The following ARHGAP26 variants were observed in gnomAD, a reference collection of about 807,000 sequenced individuals.
ARHGAP26 encodes rho GTPase-activating protein 26.
In ARHGAP26, 38 loss-of-function variants were observed where a neutral mutation model predicts 104.8. The observed-to-expected ratio is 0.36, with a 90% CI of 0.28 to 0.48. The LOEUF (loss-of-function observed/expected upper bound fraction) is 0.48. Among genes scored for constraint, ARHGAP26 ranks in the 20% least tolerant of loss-of-function variants. ARHGAP26 has a pLI of 0.99. For missense variants in ARHGAP26, 704 were observed against 947.9 expected (o/e 0.74, Z 3.38); for synonymous variants, 341 against 340.0 (o/e 1.00, Z -0.03).
intron 1 of ARHGAP26, among the ~76,000 whole-genome samples, chr5:142,799,191 G>GT (rs58252516): frequency 0.013 from 1,896 of 147,220 alleles, 21 homozygotes; most frequent in East Asian, 0.063. Context: ...ACTGTGGTGG[G>GT]TTTTTTTTTT....
intron 7 of ARHGAP26, 123 bp from the exon 8 acceptor site, chr5:142,903,417 C>T: frequency 9.5e-7 from 1 of 1,056,362 alleles, no homozygotes; most frequent in Non-Finnish European, 1.4e-6. Context: ...AGTATTTGGC[C>T]AGTTCCTGGA....
intron 6 of ARHGAP26, among the ~76,000 whole-genome samples, chr5:142,901,237 T>G (rs533539320): frequency 9.1e-4 from 139 of 152,340 alleles, no homozygotes; most frequent in Non-Finnish European, 1.7e-3. Flanking sequence ...TTTTTACCAT[T>G]CACTAAAGAC....
chr5:142,981,052 T>G (rs1224710922), intron 11 of ARHGAP26, among the ~76,000 whole-genome samples: 2 of 152,228 alleles, frequency 1.3e-5, no homozygotes, highest in Non-Finnish European at 2.9e-5. Flanking sequence ...TACCATCTTT[T>G]GGCCATGTTT....
rs1014254192 is a variant in ARHGAP26, at chr5:142,913,108, A to G, written c.934-91A>G. 55 of 1,098,046 alleles carry G rather than the reference A, an allele frequency of 5.0e-5. No homozygotes were observed. The African/African-American group carries it at 7.3e-4, about 15-fold the overall frequency. The allele number at this position is 1,098,046 out of a possible 1,614,324, so 68.0% of individuals were successfully genotyped here. On this transcript the variant is annotated intron_variant, in intron 9 of 22. Coordinates refer to ENST00000645722, the MANE Select transcript of ARHGAP26 (RefSeq NM_001135608.3). ...GAGCACTCAGATTTGAGAAGATGAA[A>G]TGATTGCTCCTGTTTACATGTCATG...
chr5:143,030,180 G>A (rs766130153), intron 12 of ARHGAP26, among the ~76,000 whole-genome samples: 2 of 152,152 alleles, frequency 1.3e-5, no homozygotes, highest in South Asian at 4.1e-4. Context: ...TTCAGAAGAG[G>A]GGCTCTTGAG....
intron 19 of ARHGAP26, among the ~76,000 whole-genome samples, chr5:143,146,393 A>AAC: frequency 6.6e-6 from 1 of 152,216 alleles, no homozygotes; most frequent in African/African-American, 2.4e-5. Context: ...ACAAGCTGTG[A>AAC]AAGGCAGTTC....
At chr5:142,938,913 G>A (rs1282534606) in intron 11 of ARHGAP26, among the ~76,000 whole-genome samples, 1 of 152,180 alleles carries the variant, frequency 6.6e-6, no homozygotes, top group Non-Finnish European at 1.5e-5. Flanking sequence ...ACAGCCACAA[G>A]TTTTGAAGGT....
At chr5:142,781,750 T>C (rs1757535348) in intron 1 of ARHGAP26, among the ~76,000 whole-genome samples, 1 of 152,166 alleles carries the variant, frequency 6.6e-6, no homozygotes, top group East Asian at 1.9e-4. Context: ...CTCTCTCTGT[T>C]GCCCAGGCTG....
At chr5:142,791,895 C>T (rs575471141) in intron 1 of ARHGAP26, among the ~76,000 whole-genome samples, 43 of 123,900 alleles carry the variant, frequency 3.5e-4, no homozygotes, top group Non-Finnish European at 6.1e-4. Flanking sequence ...ACCCGGGAGG[C>T]GGAGGTTGCA....
In ARHGAP26 at chr5:142,894,224, C is replaced by T. The variant is rs372334261; in HGVS notation, c.487-14C>T. On this transcript the variant is annotated splice_polypyrimidine_tract_variant and intron_variant, in intron 5 of 22. Coordinates refer to ENST00000645722, the MANE Select transcript of ARHGAP26 (RefSeq NM_001135608.3). Reference sequence around the variant, plus strand: ...GTGACTTGATTTTTCTCTTAAATTCCATCTTGTTTGTAGGCAGACAGCCAA... The same window carrying T: ...GTGACTTGATTTTTCTCTTAAATTCTATCTTGTTTGTAGGCAGACAGCCAA... 3 of 1,609,684 alleles carry T rather than the reference C, an allele frequency of 1.9e-6. No individual in the cohort carries two copies. Among genetic ancestry groups the T allele is most frequent in the South Asian group, 2.2e-5 (2 of 90,792 alleles).
intron 17 of ARHGAP26, among the ~76,000 whole-genome samples, chr5:143,103,945 A>G (rs1337568447): frequency 1.3e-5 from 2 of 151,972 alleles, no homozygotes; most frequent in South Asian, 2.1e-4. Context: ...TAATAAAAAT[A>G]TATATATATA....
chr5:142,842,570 A>G (rs959765631), intron 1 of ARHGAP26, among the ~76,000 whole-genome samples: 12 of 152,342 alleles, frequency 7.9e-5, no homozygotes, highest in African/African-American at 2.6e-4. Flanking sequence ...GGGAAGGACT[A>G]GGAGAAAAAC....
chr5:142,825,897 C>G (rs1173081288), intron 1 of ARHGAP26, among the ~76,000 whole-genome samples: 1 of 152,160 alleles, frequency 6.6e-6, no homozygotes, highest in Non-Finnish European at 1.5e-5. Flanking sequence ...TTGCCTTTCC[C>G]GTGCTGTGTG....
intron 12 of ARHGAP26, among the ~76,000 whole-genome samples, chr5:143,019,375 G>A (rs1209919949): frequency 6.6e-6 from 1 of 152,016 alleles, no homozygotes; most frequent in Non-Finnish European, 1.5e-5. Context: ...ACTTCCCTGG[G>A]CAAGAACCAT....
chr5:142,901,174 T>C lies in ARHGAP26; in HGVS notation c.598-761T>C, dbSNP rs565339625. Reference sequence around the variant, plus strand: ...TGGTAGGGGCTCAGGGAGGGGACATTAATAGTTTTTAAGTATATGAAGCCG... The same window carrying C: ...TGGTAGGGGCTCAGGGAGGGGACATCAATAGTTTTTAAGTATATGAAGCCG... On this transcript the variant is annotated intron_variant, in intron 6 of 22. Transcript: ENST00000645722. Among the ~76,000 whole-genome samples the C allele has an allele frequency of 1.4e-4, 22 of 152,190 alleles. No homozygotes were observed. The South Asian group carries it at 4.6e-3, about 32-fold the overall frequency.
At chr5:142,926,221 T>G (rs1345625513) in intron 10 of ARHGAP26, among the ~76,000 whole-genome samples, 2 of 152,158 alleles carry the variant, frequency 1.3e-5, no homozygotes, top group Non-Finnish European at 2.9e-5. Context: ...GATATGGTGT[T>G]GGGTAGCAAC....
intron 17 of ARHGAP26, among the ~76,000 whole-genome samples, chr5:143,090,336 C>T (rs1399595215): frequency 6.6e-6 from 1 of 152,236 alleles, no homozygotes; most frequent in Non-Finnish European, 1.5e-5. Context: ...ATAACAATTG[C>T]TTTTGTTTAA....
At chr5:142,825,495 G>A (rs1429091607) in intron 1 of ARHGAP26, among the ~76,000 whole-genome samples, 1 of 152,166 alleles carries the variant, frequency 6.6e-6, no homozygotes, top group Non-Finnish European at 1.5e-5. Flanking sequence ...GCCCAGCAGG[G>A]GACCTATGTC....
chr5:143,099,312 G>C (rs1253089168), intron 17 of ARHGAP26, among the ~76,000 whole-genome samples: 2 of 149,290 alleles, frequency 1.3e-5, no homozygotes, highest in East Asian at 2.3e-4. Flanking sequence ...CTGGGCAGGT[G>C]GGGGGCACAG....
Sources: allele counts gnomAD v4.1 joint callset (sites outside exome capture counted in the v4.1 genomes callset), GRCh38; gene constraint gnomAD v4.1.1; transcripts MANE v1.5; gene names NCBI Gene and HGNC (gene_info 2026-07-23, HGNC 2026-07-21).